FAH: variants seen among roughly 807,000 people sequenced by gnomAD.
FAH encodes the protein fumarylacetoacetate hydrolase, also known as fumarylacetoacetase.
A neutral mutation model predicts 55.8 loss-of-function variants in FAH; 47 were observed. That is an observed-to-expected ratio of 0.84 (90% CI 0.67 to 1.07). The LOEUF (loss-of-function observed/expected upper bound fraction) is 1.07. Among genes scored for constraint, FAH ranks in the 50% least tolerant of loss-of-function variants. The pLI, the probability that FAH is intolerant of heterozygous loss-of-function variation, is 0.00. For missense variants in FAH, 495 were observed against 545.9 expected (o/e 0.91, Z 0.93); for synonymous variants, 199 against 207.7 (o/e 0.96, Z 0.36).
Position 80,186,139 on chromosome 15 carries a change from A to C in FAH, c.1190A>C (p.Gln397Pro). ...GDEVIITGYC[Q>P]GDGYRIGFGQ... ...TCCTCCTCTGTTCCAGGGTACTGCCAGGGGGATGGTTACCGCATCGGCTTT... is the reference window on the plus strand; with the variant it reads ...TCCTCCTCTGTTCCAGGGTACTGCCCGGGGGATGGTTACCGCATCGGCTTT... Residue 397 changes from glutamine (Q) to proline (P), a missense_variant, in exon 14 of 14, where the codon CAG becomes CCG. Coordinates refer to ENST00000561421, the MANE Select transcript of FAH (RefSeq NM_000137.4). 6.2e-7 allele frequency: 1 copy of C among 1,614,096 alleles called. No homozygotes were observed. The highest frequency in any genetic ancestry group is 8.5e-7 in the Non-Finnish European group (1 of 1,179,926).
chr15:80,181,222 C>T (rs1327076582), intron 13 of FAH, 63 bp downstream of exon 13: 16 of 1,173,062 alleles, frequency 1.4e-5, no homozygotes, highest in African/African-American at 9.1e-5. Flanking sequence ...GTTCTAGCTG[C>T]GGGGCGCTCC....
At chr15:80,175,796 A>T (rs1408220041) in intron 10 of FAH, among the ~76,000 whole-genome samples, 8 of 152,232 alleles carry the variant, frequency 5.3e-5, no homozygotes, top group South Asian at 2.1e-4. Flanking sequence ...ATGGGATAAT[A>T]GCGGCGTTGA....
At chr15:80,153,993 G>T (rs1230656231) in intron 1 of FAH, among the ~76,000 whole-genome samples, 4 of 152,208 alleles carry the variant, frequency 2.6e-5, no homozygotes, top group African/African-American at 9.7e-5. Flanking sequence ...CTTGGAAAGT[G>T]GGGTTCCCTC....
chr15:80,181,359 A>G (rs2041329930), intron 13 of FAH, among the ~76,000 whole-genome samples, 200 bp downstream of exon 13: 1 of 152,166 alleles, frequency 6.6e-6, no homozygotes. Context: ...TCCCTAGGCC[A>G]GAAAGACTGT....
intron 3 of FAH, chr15:80,160,206 T>C: frequency 1.5e-6 from 1 of 668,484 alleles, no homozygotes; most frequent in Non-Finnish European, 2.7e-6. Context: ...CTAGTCCCAT[T>C]TCCTAGGGTA....
chr15:80,183,033 A>C (rs184281446), intron 13 of FAH, among the ~76,000 whole-genome samples: 1 of 152,334 alleles, frequency 6.6e-6, no homozygotes, highest in East Asian at 1.9e-4. Flanking sequence ...TGGAATGCAC[A>C]TGTGTTCTTG....
At chr15:80,155,626 G>T (rs1358985378) in intron 1 of FAH, among the ~76,000 whole-genome samples, 1 of 152,164 alleles carries the variant, frequency 6.6e-6, no homozygotes, top group Non-Finnish European at 1.5e-5. Context: ...AGAGAGAACA[G>T]CTGGGCCCGG....
In FAH at chr15:80,186,158, C is replaced by T. The variant is rs111345782; in HGVS notation, c.1209C>T (p.Ile403=). ...TGYCQGDGYR[I]GFGQCAGKVL... is the part of the protein sequence containing the mutation. ...ACTGCCAGGGGGATGGTTACCGCAT[C>T]GGCTTTGGCCAGTGTGCTGGAAAAG... Residue 403 remains isoleucine (I), a synonymous_variant, in exon 14 of 14, where the codon ATC becomes ATT. Transcript: ENST00000561421. 3.8e-3 allele frequency: 6,120 copies of T among 1,614,086 alleles called. 262 individuals are homozygous for T. In the South Asian group the frequency reaches 0.062, roughly 16 times the overall value.
At position 80,153,076 on chromosome 15, in the gene FAH, G is replaced by T; in HGVS notation, c.22G>T (p.Glu8Ter). The change falls in exon 1 of 14, where the codon GAG becomes TAG. Residue 8 changes from glutamate to a stop codon, truncating the protein, a stop_gained. Coordinates refer to ENST00000561421, the MANE Select transcript of FAH (RefSeq NM_000137.4). LOFTEE classifies it high-confidence loss of function. The part of the protein sequence containing the change: MSFIPVA[E>*]DSDFPIHNLP... Reference sequence around the variant, plus strand: ...CAGCATGTCCTTCATCCCGGTGGCCGAGGATTCCGACTTCCCCATCCACAA... The same window carrying T: ...CAGCATGTCCTTCATCCCGGTGGCCTAGGATTCCGACTTCCCCATCCACAA... 1.2e-6 allele frequency: 2 copies of T among 1,613,842 alleles called. No homozygotes were observed. The highest frequency in any genetic ancestry group is 1.7e-6 in the Non-Finnish European group (2 of 1,179,996).
Position 80,159,899 on chromosome 15 carries a change from G to T in FAH, c.314+22G>T, listed in dbSNP as rs374617446. Reference sequence around the variant, plus strand: ...AGTGGTGAGAAGCACGTGGTCATAGGGGGGATGAGGGGATGCAGCAGGGGA... The same window carrying T: ...AGTGGTGAGAAGCACGTGGTCATAGTGGGGATGAGGGGATGCAGCAGGGGA... On this transcript the variant is annotated intron_variant, in intron 3 of 13. Coordinates refer to ENST00000561421, the MANE Select transcript of FAH (RefSeq NM_000137.4). The T allele has an allele frequency of 4.3e-6, 7 of 1,613,140 alleles. No individual in the cohort carries two copies. The highest frequency in any genetic ancestry group is 1.1e-5 in the South Asian group (1 of 90,994).
At chr15:80,173,474 T>A (rs902627230) in intron 9 of FAH, 17 of 435,662 alleles carry the variant, frequency 3.9e-5, no homozygotes, top group Middle Eastern at 6.9e-4. Flanking sequence ...ACCTCCCAGG[T>A]GGCCATCAAA....
chr15:80,181,034 T>C lies in FAH; in HGVS notation c.1063-8T>C. The C allele has an allele frequency of 6.2e-7, 1 of 1,605,426 alleles. No individual in the cohort carries two copies. Among genetic ancestry groups the C allele is most frequent in the Non-Finnish European group, 8.5e-7 (1 of 1,172,676 alleles). On this transcript the variant is annotated splice_region_variant and splice_polypyrimidine_tract_variant and intron_variant, in intron 12 of 13. Transcript: ENST00000561421. Reference sequence around the variant, plus strand: ...ATGTTATTCTTTCTTCCCTTTCCTGTGATGAAGGAGCCAGAAAACTTCGGC... The same window carrying C: ...ATGTTATTCTTTCTTCCCTTTCCTGCGATGAAGGAGCCAGAAAACTTCGGC...
Position 80,168,324 on chromosome 15 carries a change from A to G in FAH, c.606+8A>G, listed in dbSNP as rs1444983943. The G allele has an allele frequency of 1.9e-6, 3 of 1,609,876 alleles. No individual in the cohort carries two copies. Among genetic ancestry groups the G allele is most frequent in the African/African-American group, 2.7e-5 (2 of 74,170 alleles). ...GACATGGAGCTGGAAATGGTAAGTG[A>G]GCTTGATGTTTTATTGCCATGGGAT... On this transcript the variant is annotated splice_region_variant and intron_variant, in intron 7 of 13. Coordinates refer to ENST00000561421, the MANE Select transcript of FAH (RefSeq NM_000137.4).
At chr15:80,161,828 G>A in intron 4 of FAH, among the ~76,000 whole-genome samples, 1 of 152,204 alleles carries the variant, frequency 6.6e-6, no homozygotes. Flanking sequence ...AGGGCTTCAG[G>A]GAGGAGCGGG....
intron 1 of FAH, chr15:80,156,256 C>T (rs954309775): frequency 5.2e-6 from 1 of 192,912 alleles, no homozygotes; most frequent in African/African-American, 2.4e-5. Flanking sequence ...CCCTTCAGTA[C>T]CTGACCCTAT....
At chr15:80,182,951 G>GC (rs2142110068) in intron 13 of FAH, among the ~76,000 whole-genome samples, 1 of 152,356 alleles carries the variant, frequency 6.6e-6, no homozygotes, top group African/African-American at 2.4e-5. Flanking sequence ...TGTGATAAGG[G>GC]CCCCTGACTA....
rs114061105 is a variant in FAH at position 80,154,504 on chromosome 15, A to G, written c.81+1369A>G. ...GCCCCATTCCGCTGTCCTCTGATAC[A>G]GTGCTGGGGGTGGAGAGTTGGCCCT... On this transcript the variant is annotated intron_variant, in intron 1 of 13. Coordinates refer to ENST00000561421, the MANE Select transcript of FAH (RefSeq NM_000137.4). Among the ~76,000 whole-genome samples the G allele has an allele frequency of 8.6e-3, 1,310 of 152,350 alleles. 13 individuals are homozygous for G. The highest frequency in any genetic ancestry group is 0.03 in the African/African-American group (1,249 of 41,588).
At chr15:80,158,976 G>A (rs554452301) in intron 2 of FAH, among the ~76,000 whole-genome samples, 2 of 152,104 alleles carry the variant, frequency 1.3e-5, no homozygotes, top group Admixed American at 1.3e-4. Context: ...CTCGGCTCAC[G>A]CCTGTAACCC....
rs1190391924 is a variant in FAH at position 80,168,149 on chromosome 15, T to A, written c.553T>A (p.Ser185Thr). The A allele has an allele frequency of 1.9e-6, 3 of 1,613,788 alleles. No homozygotes were observed. Among genetic ancestry groups the A allele is most frequent in the Non-Finnish European group, 2.5e-6 (3 of 1,179,824 alleles). ...RPMGQMKPDD[S>T]KPPVYGACKL... ...CATGGGACAGATGAAACCTGATGAC[T>A]GTGAGTGACCGCAGCGTCCAGGCCT... Residue 185 changes from serine (S) to threonine (T), a missense_variant and splice_region_variant, in exon 6 of 14, where the codon TCT becomes ACT. Transcript: ENST00000561421.
Sources: allele counts gnomAD v4.1 joint callset (sites outside exome capture counted in the v4.1 genomes callset), GRCh38; gene constraint gnomAD v4.1.1; transcripts MANE v1.5; gene names NCBI Gene and HGNC (gene_info 2026-07-23, HGNC 2026-07-21).